Variants in CCZ1 observed in about 807,000 individuals in gnomAD.
The protein encoded by CCZ1 is CCZ1 vacuolar protein trafficking and biogenesis associated, also known as vacuolar fusion protein CCZ1 homolog.
In CCZ1, 19 loss-of-function variants were observed where a neutral mutation model predicts 57.8. The ratio of observed to expected loss-of-function variants is 0.33; its 90% CI spans 0.23 to 0.48. CCZ1 has a LOEUF of 0.48. Among genes scored for constraint, CCZ1 ranks in the 20% least tolerant of loss-of-function variants. CCZ1 has a pLI of 0.99. For missense variants in CCZ1, 200 were observed against 492.0 expected (o/e 0.41, Z 5.61); for synonymous variants, 81 against 167.0 (o/e 0.49, Z 3.97).
intron 7 of CCZ1, among the ~76,000 whole-genome samples, chr7:5,909,080 C>A (rs1185710962): frequency 7.1e-6 from 1 of 141,334 alleles, no homozygotes. Context: ...ACACGGAATT[C>A]AACCAGCGAG....
chr7:5,912,968 T>C lies in CCZ1; in HGVS notation c.954+14T>C, dbSNP rs753499157. 2.5e-5 allele frequency: 40 copies of C among 1,607,910 alleles called. No individual in the cohort carries two copies. The Middle Eastern group carries it at 5.0e-4, about 20-fold the overall frequency. On this transcript the variant is annotated intron_variant, in intron 10 of 14. Coordinates refer to ENST00000325974, the MANE Select transcript of CCZ1 (RefSeq NM_015622.6). ...ATCGTTTATAAGGTAACAACTGTTT[T>C]CCTTCCAGCGTTAATGATTGTGCTG...
In CCZ1 at chr7:5,925,818, T is replaced by G; in HGVS notation, c.*131T>G. 1 of 1,461,882 alleles carries G rather than the reference T, an allele frequency of 6.8e-7. No homozygotes were observed. The highest frequency in any genetic ancestry group is 1.8e-4 in the Middle Eastern group (1 of 5,606). 90.6% of individuals were successfully genotyped at this position (1,461,882 alleles called of 1,614,324 possible). ...CAATACTTGCTTTGAAGAATCACAT[T>G]TCGACTCGGTCTGCTGATCTGAGGT... is the stretch of plus-strand genomic sequence containing the variant. On this transcript the variant is annotated 3_prime_UTR_variant, in exon 15 of 15. Coordinates refer to ENST00000325974, the MANE Select transcript of CCZ1 (RefSeq NM_015622.6).
intron 8 of CCZ1, among the ~76,000 whole-genome samples, chr7:5,911,300 C>T (rs185374238): frequency 5.4e-5 from 8 of 148,804 alleles, no homozygotes; most frequent in African/African-American, 7.5e-5. Flanking sequence ...TCACTCTCTT[C>T]GCTTGTTCGT....
chr7:5,901,187 G>C (rs1781678949), intron 4 of CCZ1: 2 of 323,232 alleles, frequency 6.2e-6, no homozygotes, highest in Non-Finnish European at 1.0e-5. Flanking sequence ...TCACAAATTA[G>C]AGTTTAAACA....
intron 1 of CCZ1, among the ~76,000 whole-genome samples, 167 bp from the exon 2 acceptor site, chr7:5,900,116 AG>A: frequency 1.3e-5 from 2 of 151,350 alleles, no homozygotes; most frequent in African/African-American, 4.9e-5. Context: ...CTCCCGCCTC[AG>A]CCTCTGAAAA....
chr7:5,903,999 G>T (rs1213446677), intron 6 of CCZ1, among the ~76,000 whole-genome samples: 5 of 143,072 alleles, frequency 3.5e-5, no homozygotes, highest in East Asian at 4.8e-4. Context: ...ATCTCGGGGG[G>T]GGAAATAAAG....
intron 5 of CCZ1, 104 bp downstream of exon 5, chr7:5,901,808 CTG>C: frequency 2.1e-6 from 3 of 1,434,674 alleles, no homozygotes; most frequent in Non-Finnish European, 2.8e-6. Context: ...CAAAGTGACT[CTG>C]TATTTGTCTT....
rs1781955427 is a variant in CCZ1, at chr7:5,910,742, A to AT, written c.780+629dup. 2.8e-5 allele frequency among the ~76,000 whole-genome samples: 4 copies of AT among 141,784 alleles called. 2 individuals carry two copies. The East Asian group carries it at 9.2e-4, about 33-fold the overall frequency. 93.0% of individuals were successfully genotyped at this position (141,784 alleles called of 152,430 possible). A position where few individuals can be genotyped will look rare whatever the true frequency, so the allele number is the denominator to read the frequency against. ...TATTTATTTATTTATTTATTTATTT[A>AT]TTTATTTATTGGGACAGAGTTTTGT... On this transcript the variant is annotated intron_variant, in intron 8 of 14. Transcript: ENST00000325974.
intron 5 of CCZ1, 37 bp downstream of exon 5, chr7:5,901,741 C>T: frequency 1.3e-6 from 2 of 1,595,556 alleles, no homozygotes; most frequent in South Asian, 1.1e-5. Flanking sequence ...AGAGTCCAGC[C>T]ACTTACCCCT....
rs747314381 is a variant in CCZ1, at chr7:5,919,936, A to C, written c.1076A>C (p.Glu359Ala). The C allele has an allele frequency of 6.4e-7, 1 of 1,563,652 alleles. No individual in the cohort carries two copies. Among genetic ancestry groups the C allele is most frequent in the East Asian group, 2.3e-5 (1 of 43,968 alleles). Residue 359 changes from glutamate to alanine, a missense_variant, in exon 12 of 15, where the codon GAA becomes GCA. Coordinates refer to ENST00000325974, the MANE Select transcript of CCZ1 (RefSeq NM_015622.6). The part of the protein sequence containing the change: ...QLTVLASDIC[E>A]QFNINKRMSG... Reference sequence around the variant, plus strand: ...ACAGTGCTGGCCTCTGACATCTGTGAACAGTTTAACATCAACAAGAGGATG... The same window carrying C: ...ACAGTGCTGGCCTCTGACATCTGTGCACAGTTTAACATCAACAAGAGGATG...
In CCZ1 at chr7:5,898,757, T is replaced by C. The variant is rs1436319019; in HGVS notation, c.-43T>C. On this transcript the variant is annotated 5_prime_UTR_variant, in exon 1 of 15. Transcript: ENST00000325974. ...TGTTTTAGCCGGTGGCTGCTGTCTC[T>C]GGGCGGGCCGTGGGAGGCTCCCGAG... is the stretch of plus-strand genomic sequence containing the variant. 4.2e-5 allele frequency: 12 copies of C among 286,858 alleles called. No individual in the cohort carries two copies. In the East Asian group the frequency reaches 1.2e-3, roughly 30 times the overall value. 17.8% of individuals were successfully genotyped at this position (286,858 alleles called of 1,614,324 possible). A position where few individuals can be genotyped will look rare whatever the true frequency, so the allele number is the denominator to read the frequency against.
chr7:5,913,000 A>G lies in CCZ1; in HGVS notation c.954+46A>G, dbSNP rs370564247. On this transcript the variant is annotated intron_variant, in intron 10 of 14. Transcript: ENST00000325974. ...AGCGTTAATGATTGTGCTGAAGTGG[A>G]TCTTTCTTGCATGTGTACACGAGTG... is the stretch of plus-strand genomic sequence containing the variant. 9.6e-5 allele frequency: 154 copies of G among 1,607,676 alleles called. 1 individual carries two copies. Among genetic ancestry groups the G allele is most frequent in the Middle Eastern group, 5.0e-4 (3 of 6,046 alleles).
At chr7:5,912,046 C>G in intron 9 of CCZ1, 124 bp downstream of exon 9, 1 of 1,580,556 alleles carries the variant, frequency 6.3e-7, no homozygotes, top group Non-Finnish European at 8.6e-7. Context: ...CTCCGCCTCC[C>G]CGGGCTCAAG....
At chr7:5,903,694 G>GT (rs1452601255) in intron 6 of CCZ1, among the ~76,000 whole-genome samples, 1 of 146,638 alleles carries the variant, frequency 6.8e-6, no homozygotes, top group East Asian at 2.3e-4. Context: ...CATGATTTTA[G>GT]TATAAGATGG....
chr7:5,899,380 TGTGG>T lies in CCZ1; in HGVS notation c.120+462_120+465del, dbSNP rs1562536528. On this transcript the variant is annotated intron_variant, in intron 1 of 14. Transcript: ENST00000325974. ...GTGTGTGTGTGTGTGTGTGTGTGTGTGTGGTTTTTCTGAGGTGGGGACGGCGACT... is the reference window on the plus strand; with the variant it reads ...GTGTGTGTGTGTGTGTGTGTGTGTGTTTTTTCTGAGGTGGGGACGGCGACT... Among the ~76,000 whole-genome samples, 243 of 95,452 alleles carry T rather than the reference TGTGG, an allele frequency of 2.5e-3. 3 individuals are homozygous for T. The highest frequency in any genetic ancestry group is 5.3e-3 in the Admixed American group (38 of 7,112). 62.6% of individuals were successfully genotyped at this position (95,452 alleles called of 152,430 possible).
chr7:5,909,709 GAAA>G (rs983272409), intron 7 of CCZ1, among the ~76,000 whole-genome samples: 38 of 129,588 alleles, frequency 2.9e-4, no homozygotes, highest in African/African-American at 9.8e-4. Context: ...AAAAAAAAAA[GAAA>G]AAAAAATTTT....
chr7:5,905,805 A>AAAG (rs1315096867), intron 7 of CCZ1, among the ~76,000 whole-genome samples: 1 of 138,962 alleles, frequency 7.2e-6, no homozygotes, highest in Non-Finnish European at 1.5e-5. Context: ...AAAAAAAAAA[A>AAAG]AAGAGAAAAT....
intron 7 of CCZ1, among the ~76,000 whole-genome samples, chr7:5,905,706 C>G (rs1210878968): frequency 7.7e-5 from 9 of 116,588 alleles, no homozygotes; most frequent in African/African-American, 3.0e-4. Flanking sequence ...CACTTGAACC[C>G]GGGAGGCGGA....
chr7:5,901,962 C>T (rs1214534746), intron 5 of CCZ1: 3 of 468,650 alleles, frequency 6.4e-6, no homozygotes, highest in African/African-American at 6.0e-5. Context: ...TCTATGTGCT[C>T]AAGGAATGTA....
Sources: gnomAD v4.1 joint callset for allele counts (sites outside exome capture counted in the v4.1 genomes callset) on GRCh38, gnomAD v4.1.1 for gene constraint, MANE v1.5 for transcripts, NCBI Gene and HGNC (gene_info 2026-07-23, HGNC 2026-07-21) for gene names.